The following SLC35D1 variants were observed in gnomAD, a reference collection of about 807,000 sequenced individuals.
The protein encoded by SLC35D1 is nucleotide sugar transporter SLC35D1.
Under a neutral mutation model 46.7 loss-of-function variants are expected in SLC35D1, and 31 were observed. The observed-to-expected ratio is 0.66, with a 90% confidence interval of 0.50 to 0.90. The LOEUF (loss-of-function observed/expected upper bound fraction) is 0.90. SLC35D1 is among the 40% of genes least tolerant of loss of function. The pLI is 0.00. For missense variants in SLC35D1, 397 were observed against 426.2 expected (o/e 0.93, Z 0.60); for synonymous variants, 195 against 164.6 (o/e 1.18, Z -1.41).
chr1:67,046,200 T>TA (rs1389089134), intron 7 of SLC35D1, among the ~76,000 whole-genome samples: 2 of 151,752 alleles, frequency 1.3e-5, no homozygotes, highest in African/African-American at 2.4e-5. Context: ...TAATGAAACC[T>TA]ACTGGGATAG....
chr1:66,990,697 T>TATG, the SLC35D1 span, among the ~76,000 whole-genome samples: 1 of 152,184 alleles, frequency 6.6e-6, no homozygotes, highest in African/African-American at 2.4e-5. Flanking sequence ...TTTTCGTGTA[T>TATG]ATGTATAGTT....
At chr1:66,987,037 A>G in the SLC35D1 span, 1 of 152,298 alleles carries the variant, frequency 6.6e-6, no homozygotes, top group East Asian at 1.9e-4. Flanking sequence ...AATGTTTTAA[A>G]TACATTCTCA....
At chr1:67,007,616 A>G (rs1434638422) in intron 11 of SLC35D1, among the ~76,000 whole-genome samples, 33 of 152,246 alleles carry the variant, frequency 2.2e-4, no homozygotes, top group Admixed American at 2.1e-3. Context: ...AGGGCAATTC[A>G]TGAACCACCT....
chr1:66,980,095 C>T, the SLC35D1 span, among the ~76,000 whole-genome samples: 1 of 152,176 alleles, frequency 6.6e-6, no homozygotes, highest in South Asian at 2.1e-4. Context: ...TTCATATTAT[C>T]CATTCCCACT....
chr1:67,008,327 C>T lies in SLC35D1; in HGVS notation c.959+758G>A, dbSNP rs558349583. On this transcript the variant is annotated intron_variant, in intron 11 of 11. Transcript: ENST00000235345. Reference sequence around the variant, plus strand: ...CTAATTTTTGTATTTTTAGTAGAGACGGGGTATCACCATGTTGGCCAGGGT... The same window carrying T: ...CTAATTTTTGTATTTTTAGTAGAGATGGGGTATCACCATGTTGGCCAGGGT... 88 of 818,142 alleles carry T rather than the reference C, an allele frequency of 1.1e-4. No homozygotes were observed. In the East Asian group the frequency reaches 3.2e-3, roughly 30 times the overall value. 50.7% of individuals were successfully genotyped at this position (818,142 alleles called of 1,614,324 possible). A position where few individuals can be genotyped will look rare whatever the true frequency, so the allele number is the denominator to read the frequency against.
rs1265421014 is a variant in SLC35D1 at position 67,004,445 on chromosome 1, A to T, written c.963T>A (p.Ile321=). 1 of 1,613,824 alleles carries T rather than the reference A, an allele frequency of 6.2e-7. No homozygotes were observed. The highest frequency in any genetic ancestry group is 1.7e-5 in the Admixed American group (1 of 60,016). ...TATAGGAATATACCAGGCTCCCAGCAATGCTGCAAAACAGAAAGCCACTAT... is the reference window on the plus strand; with the variant it reads ...TATAGGAATATACCAGGCTCCCAGCTATGCTGCAAAACAGAAAGCCACTAT... ...WTNFIGLNIS[I]AGSLVYSYIT... The change falls in exon 12 of 12, where the codon ATT becomes ATA. Residue 321 remains isoleucine (I), a synonymous_variant. Coordinates refer to ENST00000235345, the MANE Select transcript of SLC35D1 (RefSeq NM_015139.3).
chr1:67,046,348 A>G (rs1301660295), intron 7 of SLC35D1, among the ~76,000 whole-genome samples: 1 of 152,206 alleles, frequency 6.6e-6, no homozygotes, highest in Non-Finnish European at 1.5e-5. Flanking sequence ...AAAGGAACTT[A>G]AGTAGTTTCA....
the SLC35D1 span, among the ~76,000 whole-genome samples, chr1:66,975,555 T>C: frequency 1.3e-5 from 2 of 151,264 alleles, no homozygotes; most frequent in African/African-American, 4.9e-5. Context: ...AGGAAAAAAG[T>C]TATCAGTATT....
At chr1:67,047,123 AAAGTACAGG>A (rs1342990562) in intron 7 of SLC35D1, 133 bp downstream of exon 7, 2 of 664,506 alleles carry the variant, frequency 3.0e-6, no homozygotes, top group East Asian at 5.5e-5. Context: ...TATGAACACT[AAAGTACAGG>A]AATTTTACCC....
intron 10 of SLC35D1, among the ~76,000 whole-genome samples, chr1:67,019,119 T>C (rs1667744734): frequency 6.6e-6 from 1 of 152,218 alleles, no homozygotes; most frequent in Non-Finnish European, 1.5e-5. Flanking sequence ...TTGATAATGA[T>C]AAAGTACACT....
intron 8 of SLC35D1, among the ~76,000 whole-genome samples, chr1:67,034,705 T>C (rs978093497): frequency 5.9e-5 from 9 of 152,164 alleles, no homozygotes; most frequent in Non-Finnish European, 1.3e-4. Context: ...TAGCTAGGAC[T>C]TCCAGTATTA....
At chr1:67,015,153 GT>G (rs1350981019) in intron 10 of SLC35D1, among the ~76,000 whole-genome samples, 3 of 65,448 alleles carry the variant, frequency 4.6e-5, no homozygotes, top group Non-Finnish European at 8.4e-5. Flanking sequence ...ATAAAAATGT[GT>G]TTTTGTAAAA....
intron 11 of SLC35D1, 98 bp downstream of exon 11, chr1:67,008,987 T>C: frequency 1.6e-6 from 1 of 617,498 alleles, no homozygotes; most frequent in Non-Finnish European, 3.0e-6. Context: ...TGTTTAATAA[T>C]GAATAAATGT....
intron 8 of SLC35D1, among the ~76,000 whole-genome samples, chr1:67,022,934 T>C (rs1667842182): frequency 6.6e-6 from 1 of 152,212 alleles, no homozygotes; most frequent in South Asian, 2.1e-4. Flanking sequence ...TTGTATAGCA[T>C]GTACTCTAGT....
the SLC35D1 span, chr1:66,987,345 G>A: frequency 6.5e-6 from 1 of 152,754 alleles, no homozygotes; most frequent in East Asian, 1.9e-4. Flanking sequence ...TTGACAAATT[G>A]CATTGGAAAA....
intron 9 of SLC35D1, 29 bp downstream of exon 9, chr1:67,021,506 T>G: frequency 6.2e-7 from 1 of 1,611,504 alleles, no homozygotes; most frequent in Non-Finnish European, 8.5e-7. Context: ...TTAGGAAAAC[T>G]ATCTGCTAAC....
At chr1:67,043,560 A>G (rs1326382055) in intron 7 of SLC35D1, among the ~76,000 whole-genome samples, 1 of 152,170 alleles carries the variant, frequency 6.6e-6, no homozygotes, top group Non-Finnish European at 1.5e-5. Flanking sequence ...CAAAACAAAC[A>G]AAAAGCACAA....
chr1:67,046,417 A>G (rs1485606471), intron 7 of SLC35D1, among the ~76,000 whole-genome samples: 1 of 152,048 alleles, frequency 6.6e-6, no homozygotes, highest in Non-Finnish European at 1.5e-5. Context: ...TCATCTGACT[A>G]AAGAGAAAAT....
At chr1:67,019,362 T>G (rs556686806) in intron 10 of SLC35D1, among the ~76,000 whole-genome samples, 2 of 152,226 alleles carry the variant, frequency 1.3e-5, no homozygotes, top group Non-Finnish European at 2.9e-5. Flanking sequence ...ATCCCTGGCA[T>G]ATAGATTGTC....
Sources: allele counts gnomAD v4.1 joint callset (sites outside exome capture counted in the v4.1 genomes callset), GRCh38; gene constraint gnomAD v4.1.1; transcripts MANE v1.5; gene names NCBI Gene and HGNC (gene_info 2026-07-23, HGNC 2026-07-21).